Variants in TESMIN observed in about 807,000 individuals in gnomAD.
The protein encoded by TESMIN is CXC domain containing 2.
Under a neutral mutation model 47.4 loss-of-function variants are expected in TESMIN, and 34 were observed. That is an observed-to-expected ratio of 0.72 (90% CI 0.55 to 0.96). The LOEUF (loss-of-function observed/expected upper bound fraction) is 0.96. Ranked by LOEUF, TESMIN falls within the 40% of genes least tolerant of loss-of-function variation. TESMIN has a pLI of 0.00. For synonymous variants in TESMIN, 278 were observed against 258.9 expected (o/e 1.07, Z -0.71); for missense variants, 610 against 637.2 (o/e 0.96, Z 0.46).
At chr11:68,712,452 A>T (rs1594284526) in intron 8 of TESMIN, among the ~76,000 whole-genome samples, 1 of 152,174 alleles carries the variant, frequency 6.6e-6, no homozygotes, top group East Asian at 1.9e-4. Flanking sequence ...ACAGCCTTTG[A>T]AAAGTATAAT....
In TESMIN at chr11:68,738,333, G is replaced by A. The variant is rs1002314795; in HGVS notation, c.917+367C>T. ...AGCCCCCCGTTCATGCTGCATGGCT[G>A]CCACACCATTATTTCCACGGACGAC... On this transcript the variant is annotated intron_variant, in intron 6 of 9. Transcript: ENST00000255087. The A allele has an allele frequency of 5.9e-6, 6 of 1,019,170 alleles. No individual in the cohort carries two copies. The African/African-American group carries it at 1.0e-4, about 18-fold the overall frequency. The allele number at this position is 1,019,170 out of a possible 1,614,324, so 63.1% of individuals were successfully genotyped here. A position where few individuals can be genotyped will look rare whatever the true frequency, so the allele number is the denominator to read the frequency against.
At chr11:68,746,737 T>C (rs1946525411) in intron 3 of TESMIN, among the ~76,000 whole-genome samples, 1 of 152,148 alleles carries the variant, frequency 6.6e-6, no homozygotes. Context: ...CCTACAGAGT[T>C]GTTAGGAGGA....
chr11:68,750,679 G>C lies in TESMIN; in HGVS notation c.-19C>G. The stretch of plus-strand genomic sequence containing the variant: ...CCTCCATGGCGCAGGGCGGCGGGGC[G>C]GGATGGCGGGGGCCGCGCACCTGCA... On this transcript the variant is annotated 5_prime_UTR_variant, in exon 2 of 10. Transcript: ENST00000255087. The C allele has an allele frequency of 6.8e-7, 1 of 1,465,186 alleles. No homozygotes were observed. Among genetic ancestry groups the C allele is most frequent in the Non-Finnish European group, 9.0e-7 (1 of 1,106,332 alleles). 90.8% of individuals were successfully genotyped at this position (1,465,186 alleles called of 1,614,324 possible).
chr11:68,731,603 G>C (rs140302052), intron 6 of TESMIN, among the ~76,000 whole-genome samples: 1 of 152,172 alleles, frequency 6.6e-6, no homozygotes, highest in African/African-American at 2.4e-5. Context: ...CTTAGTTGCG[G>C]GGAATAAAAA....
At chr11:68,705,276 G>A (rs1173213142), downstream of TESMIN, among the ~76,000 whole-genome samples, 6 of 152,232 alleles carry the variant, frequency 3.9e-5, no homozygotes, top group Non-Finnish European at 8.8e-5. Context: ...TATCTTGGAT[G>A]AGGGTTCAAC....
chr11:68,749,923 C>T (rs1203827023), intron 2 of TESMIN, among the ~76,000 whole-genome samples: 2 of 152,122 alleles, frequency 1.3e-5, no homozygotes, highest in Non-Finnish European at 2.9e-5. Context: ...TTGTTGTCCG[C>T]CGTCTGCATG....
intron 8 of TESMIN, among the ~76,000 whole-genome samples, 198 bp from the exon 9 acceptor site, chr11:68,711,247 G>GGT (rs545301844): frequency 3.3e-5 from 5 of 150,490 alleles, no homozygotes; most frequent in African/African-American, 7.4e-5. Flanking sequence ...GTGTGTGTGG[G>GGT]GTGTGTGTGT....
At chr11:68,745,854 T>G (rs1033897195) in intron 3 of TESMIN, among the ~76,000 whole-genome samples, 1 of 152,186 alleles carries the variant, frequency 6.6e-6, no homozygotes, top group African/African-American at 2.4e-5. Context: ...GGGAACTGTG[T>G]GCCCAGCCCT....
chr11:68,745,075 A>G lies in TESMIN; in HGVS notation c.667T>C (p.Cys223Arg), dbSNP rs12365708. Reference sequence around the variant, plus strand: ...TCTCTTGTTCTAGAATTGTCTATACATAGCATTTGTGTGCCCCCTTTCAAT... The same window carrying G: ...TCTCTTGTTCTAGAATTGTCTATACGTAGCATTTGTGTGCCCCCTTTCAAT... ...CQLKGGTQML[C>R]IDNSRTRELK... Residue 223 changes from cysteine to arginine, a missense_variant, in exon 4 of 10, where the codon TGT becomes CGT. Transcript: ENST00000255087. The G allele has an allele frequency of 0.095, 150,723 of 1,588,850 alleles. 7,739 individuals carry two copies. The highest frequency in any genetic ancestry group is 0.1 in the Non-Finnish European group (120,658 of 1,173,642).
Position 68,750,319 on chromosome 11 carries a change from G to A in TESMIN, c.342C>T (p.Ala114=). The change falls in exon 2 of 10, where the codon GCC becomes GCT. Residue 114 remains alanine, a synonymous_variant. Coordinates refer to ENST00000255087, the MANE Select transcript of TESMIN (RefSeq NM_004923.3). ...GCACGTTGCAGGCGGGCGGCTGCGG[G>A]GCCTGCAGGAGCGCGACGTCCTCCA... ...SALEDVALLQ[A]PQPPACNVHF... is the part of the protein sequence containing the mutation. 6.6e-7 allele frequency: 1 copy of A among 1,515,316 alleles called. No homozygotes were observed. Among genetic ancestry groups the A allele is most frequent in the Non-Finnish European group, 8.8e-7 (1 of 1,136,490 alleles). The allele number at this position is 1,515,316 out of a possible 1,614,324, so 93.9% of individuals were successfully genotyped here.
chr11:68,709,516 T>C (rs1946037799), intron 9 of TESMIN, among the ~76,000 whole-genome samples: 1 of 152,200 alleles, frequency 6.6e-6, no homozygotes. Context: ...CGCCAGCTAT[T>C]CTCCCCACTG....
At chr11:68,734,593 T>G (rs565237165) in intron 6 of TESMIN, among the ~76,000 whole-genome samples, 1 of 152,338 alleles carries the variant, frequency 6.6e-6, no homozygotes, top group African/African-American at 2.4e-5. Flanking sequence ...AGTGGGGGCA[T>G]GCATCTCTGT....
rs1212769587 is a variant in TESMIN, at chr11:68,707,442, G to A, written c.*866C>T. Reference sequence around the variant, plus strand: ...AGTTACTAAGTTAATGACAACAATTGAAGACATTGGAAATTTTTATTCATC... The same window carrying A: ...AGTTACTAAGTTAATGACAACAATTAAAGACATTGGAAATTTTTATTCATC... On this transcript the variant is annotated 3_prime_UTR_variant, in exon 10 of 10. Coordinates refer to ENST00000255087, the MANE Select transcript of TESMIN (RefSeq NM_004923.3). 5.7e-6 allele frequency: 1 copy of A among 176,848 alleles called. No homozygotes were observed. Among genetic ancestry groups the A allele is most frequent in the African/African-American group, 2.3e-5 (1 of 42,590 alleles). 11.0% of individuals were successfully genotyped at this position (176,848 alleles called of 1,614,324 possible). A position where few individuals can be genotyped will look rare whatever the true frequency, so the allele number is the denominator to read the frequency against.
intron 6 of TESMIN, among the ~76,000 whole-genome samples, chr11:68,721,848 A>C (rs1297618052): frequency 6.6e-6 from 1 of 152,244 alleles, no homozygotes; most frequent in Non-Finnish European, 1.5e-5. Context: ...AGCAGTAATC[A>C]GAAAATGCAA....
chr11:68,713,284 A>T lies in TESMIN; in HGVS notation c.1144T>A (p.Cys382Ser). The change falls in exon 8 of 10, where the codon TGC (cysteine) becomes AGC (serine). Residue 382 changes from cysteine (C) to serine (S), a missense_variant. Coordinates refer to ENST00000255087, the MANE Select transcript of TESMIN (RefSeq NM_004923.3). The stretch of plus-strand genomic sequence containing the variant: ...TGGGCACTAACCTCATAGCACTCGC[A>T]GTAATTCTTCAGGCAGCCTGACCTC... Reference protein sequence around the residue: ...CRRSGCLKNYCECYEAQIMCS... With the variant: ...CRRSGCLKNYSECYEAQIMCS... The T allele has an allele frequency of 6.2e-7, 1 of 1,614,182 alleles. No individual in the cohort carries two copies. The highest frequency in any genetic ancestry group is 8.5e-7 in the Non-Finnish European group (1 of 1,180,014).
At chr11:68,713,235 T>C (rs201639702) in intron 8 of TESMIN, 35 bp downstream of exon 8, 10 of 1,581,660 alleles carry the variant, frequency 6.3e-6, no homozygotes, top group East Asian at 2.3e-5. Context: ...TTTACCTGTG[T>C]TTTTTGTTAG....
chr11:68,733,125 C>G (rs1368252848), intron 6 of TESMIN, among the ~76,000 whole-genome samples: 1 of 152,224 alleles, frequency 6.6e-6, no homozygotes, highest in East Asian at 1.9e-4. Context: ...GCCCCTAGTG[C>G]TGTCAAGCAT....
intron 5 of TESMIN, among the ~76,000 whole-genome samples, chr11:68,739,982 A>G (rs775962683): frequency 1.3e-5 from 2 of 152,304 alleles, no homozygotes; most frequent in Non-Finnish European, 2.9e-5. Context: ...CCCCAAAGTA[A>G]AGCAGAGACA....
At chr11:68,736,850 A>G in intron 6 of TESMIN, 1 of 984,310 alleles carries the variant, frequency 1.0e-6, no homozygotes, top group Non-Finnish European at 1.2e-6. Context: ...AAGCCGGGGG[A>G]GAGGAAAAGG....
Sources: gnomAD v4.1 joint callset for allele counts (sites outside exome capture counted in the v4.1 genomes callset) on GRCh38, gnomAD v4.1.1 for gene constraint, MANE v1.5 for transcripts, NCBI Gene and HGNC (gene_info 2026-07-23, HGNC 2026-07-21) for gene names.